Variants in BMPR1B observed in about 807,000 individuals in gnomAD.
BMPR1B encodes bone morphogenetic protein receptor type 1B.
In BMPR1B, 12 loss-of-function variants were observed where a neutral mutation model predicts 59.1. The ratio of observed to expected loss-of-function variants is 0.20; its 90% confidence interval spans 0.13 to 0.33. BMPR1B has a LOEUF of 0.33. BMPR1B is among the 10% of genes least tolerant of loss of function. BMPR1B has a pLI of 1.00. For synonymous variants in BMPR1B, 237 were observed against 207.3 expected (o/e 1.14, Z -1.23); for missense variants, 550 against 610.9 (o/e 0.90, Z 1.05).
intron 2 of BMPR1B, among the ~76,000 whole-genome samples, chr4:94,906,622 G>A (rs767337806): frequency 2.0e-5 from 3 of 151,784 alleles, no homozygotes; most frequent in African/African-American, 2.4e-5. Context: ...AAACCAGCAC[G>A]TTCTGCACAT....
chr4:94,907,557 T>A (rs1282283754), intron 2 of BMPR1B, among the ~76,000 whole-genome samples: 1 of 151,958 alleles, frequency 6.6e-6, no homozygotes, highest in Admixed American at 6.6e-5. Flanking sequence ...CAGTAACTCG[T>A]CTATTAAGAT....
At chr4:94,763,138 A>G (rs1721842267) in intron 1 of BMPR1B, among the ~76,000 whole-genome samples, 1 of 152,164 alleles carries the variant, frequency 6.6e-6, no homozygotes, top group Non-Finnish European at 1.5e-5. Context: ...TCTGAAAAGC[A>G]GAGTGGTGAG....
At chr4:94,805,344 T>G (rs959297424) in intron 1 of BMPR1B, among the ~76,000 whole-genome samples, 9 of 150,084 alleles carry the variant, frequency 6.0e-5, no homozygotes, top group Non-Finnish European at 1.2e-4. Context: ...TTTAAGATCT[T>G]AAACCAAATG....
intron 3 of BMPR1B, among the ~76,000 whole-genome samples, chr4:94,996,893 T>C (rs1722097659): frequency 6.6e-6 from 1 of 152,228 alleles, no homozygotes; most frequent in Admixed American, 6.5e-5. Context: ...CTGTGTATGT[T>C]CACGGTGCTG....
At chr4:95,114,089 C>A (rs1460941761) in intron 4 of BMPR1B, among the ~76,000 whole-genome samples, 1 of 152,088 alleles carries the variant, frequency 6.6e-6, no homozygotes, top group Admixed American at 6.6e-5. Context: ...CTTTATATGA[C>A]AGGACAGCCC....
At position 94,925,623 on chromosome 4, in the gene BMPR1B, C is replaced by T. The variant is rs114115880; in HGVS notation, c.-113+49723C>T. Among the ~76,000 whole-genome samples the T allele has an allele frequency of 7.3e-3, 1,104 of 152,134 alleles. 9 individuals carry two copies. The highest frequency in any genetic ancestry group is 0.021 in the African/African-American group (852 of 41,510). ...TTAGCAAAACAACCAAGAGCACATG[C>T]CTTAAAAATTCTAAGTCCATATAAA... On this transcript the variant is annotated intron_variant, in intron 2 of 12. Coordinates refer to ENST00000515059, the MANE Select transcript of BMPR1B (RefSeq NM_001203.3).
chr4:95,083,666 T>A (rs753500455), intron 3 of BMPR1B, among the ~76,000 whole-genome samples: 1 of 152,196 alleles, frequency 6.6e-6, no homozygotes, highest in Non-Finnish European at 1.5e-5. Context: ...TGGTGTTTCT[T>A]AGTATTATAC....
rs182985593 is a variant in BMPR1B at position 94,869,052 on chromosome 4, A to T, written c.-182-6779A>T. ...TAAATTTCTCTAGAACCTCTTTTTT[A>T]AAATTAAACTCCATGATTTGTTTGA... On this transcript the variant is annotated intron_variant, in intron 1 of 12. Coordinates refer to ENST00000515059, the MANE Select transcript of BMPR1B (RefSeq NM_001203.3). 5.6e-3 allele frequency among the ~76,000 whole-genome samples: 852 copies of T among 151,476 alleles called. 7 individuals carry two copies. The highest frequency in any genetic ancestry group is 0.019 in the African/African-American group (803 of 41,304).
intron 3 of BMPR1B, among the ~76,000 whole-genome samples, chr4:95,025,548 G>C (rs545719825): frequency 1.3e-5 from 2 of 152,290 alleles, no homozygotes; most frequent in Non-Finnish European, 2.9e-5. Flanking sequence ...ACTTGTGGTA[G>C]TGTAAAGTAT....
chr4:95,140,133 A>G (rs1183247946), intron 10 of BMPR1B, among the ~76,000 whole-genome samples: 1 of 152,050 alleles, frequency 6.6e-6, no homozygotes, highest in Non-Finnish European at 1.5e-5. Flanking sequence ...ATTACCATGA[A>G]ATGTCTTGCC....
intron 3 of BMPR1B, among the ~76,000 whole-genome samples, chr4:95,000,900 G>A (rs1722400157): frequency 1.3e-5 from 2 of 151,986 alleles, no homozygotes; most frequent in African/African-American, 4.8e-5. Flanking sequence ...AACAGTGAAG[G>A]GCATATAATT....
At chr4:94,836,931 T>C (rs1184469112) in intron 1 of BMPR1B, among the ~76,000 whole-genome samples, 5 of 148,806 alleles carry the variant, frequency 3.4e-5, no homozygotes, top group Non-Finnish European at 7.5e-5. Flanking sequence ...GAATTGATTT[T>C]TGTATAAGGT....
At chr4:95,083,445 A>G (rs760203206) in intron 3 of BMPR1B, among the ~76,000 whole-genome samples, 4 of 152,168 alleles carry the variant, frequency 2.6e-5, no homozygotes, top group Non-Finnish European at 5.9e-5. Flanking sequence ...TGTTTTTCAA[A>G]CCTTAGAAGC....
At chr4:94,934,530 A>G (rs1729216649) in intron 2 of BMPR1B, among the ~76,000 whole-genome samples, 1 of 144,212 alleles carries the variant, frequency 6.9e-6, no homozygotes, top group African/African-American at 2.6e-5. Context: ...AAGCGTTAGA[A>G]ACTTGTTGCC....
At chr4:94,814,578 A>G (rs549601048) in intron 1 of BMPR1B, among the ~76,000 whole-genome samples, 2 of 152,288 alleles carry the variant, frequency 1.3e-5, no homozygotes, top group South Asian at 4.1e-4. Context: ...TTAACTAGAG[A>G]TAATATAAGT....
chr4:94,901,703 A>G (rs530471167), intron 2 of BMPR1B, among the ~76,000 whole-genome samples: 1 of 152,132 alleles, frequency 6.6e-6, no homozygotes, highest in South Asian at 2.1e-4. Context: ...TGATATCTCC[A>G]AAGTTGGCCT....
intron 2 of BMPR1B, among the ~76,000 whole-genome samples, chr4:94,892,647 G>C (rs865802054): frequency 4.6e-5 from 7 of 152,142 alleles, no homozygotes; most frequent in Middle Eastern, 6.8e-3. Context: ...CTTTACAGAA[G>C]ATGTGATACT....
intron 2 of BMPR1B, among the ~76,000 whole-genome samples, chr4:94,909,169 G>T (rs1366302004): frequency 1.3e-5 from 2 of 151,898 alleles, no homozygotes; most frequent in Non-Finnish European, 2.9e-5. Flanking sequence ...TTGAATGTAG[G>T]GCCCATTCTA....
At chr4:94,915,559 T>C (rs1728451489) in intron 2 of BMPR1B, among the ~76,000 whole-genome samples, 1 of 152,210 alleles carries the variant, frequency 6.6e-6, no homozygotes, top group African/African-American at 2.4e-5. Context: ...ATCTTTTCTG[T>C]AATAATACTT....
Sources: gnomAD v4.1 joint callset for allele counts (sites outside exome capture counted in the v4.1 genomes callset) on GRCh38, gnomAD v4.1.1 for gene constraint, MANE v1.5 for transcripts, NCBI Gene and HGNC (gene_info 2026-07-23, HGNC 2026-07-21) for gene names.